Variants in CREB5 observed in about 807,000 individuals in gnomAD.
CREB5 encodes cAMP responsive element binding protein 5, also known as cyclic AMP-responsive element-binding protein 5.
CREB5 carries 19 observed loss-of-function variants against 57.1 expected under a neutral mutation model. That is an observed-to-expected ratio of 0.33 (90% CI 0.23 to 0.49). The LOEUF is 0.49. Among genes scored for constraint, CREB5 ranks in the 20% least tolerant of loss-of-function variants. The pLI, the probability that CREB5 is intolerant of heterozygous loss-of-function variation, is 0.99. For synonymous variants in CREB5, 238 were observed against 238.3 expected (o/e 1.00, Z 0.01); for missense variants, 579 against 671.6 (o/e 0.86, Z 1.52).
At chr7:28,339,775 G>A (rs982865837) in intron 1 of CREB5, among the ~76,000 whole-genome samples, 3 of 152,194 alleles carry the variant, frequency 2.0e-5, no homozygotes, top group African/African-American at 7.2e-5. Flanking sequence ...TGGGAGTCAG[G>A]AACTGGAGTC....
chr7:28,698,847 G>A (rs1254330671), intron 5 of CREB5, among the ~76,000 whole-genome samples: 2 of 152,202 alleles, frequency 1.3e-5, no homozygotes, highest in Non-Finnish European at 2.9e-5. Flanking sequence ...AGGAACATCA[G>A]GAGCAACATA....
At chr7:28,576,054 G>GA (rs1328680308) in intron 5 of CREB5, among the ~76,000 whole-genome samples, 1 of 152,190 alleles carries the variant, frequency 6.6e-6, no homozygotes, top group Non-Finnish European at 1.5e-5. Context: ...CTGAGAGGCA[G>GA]AAAAATACCC....
At chr7:28,391,893 A>C (rs763111437) in intron 1 of CREB5, among the ~76,000 whole-genome samples, 15 of 152,186 alleles carry the variant, frequency 9.9e-5, no homozygotes, top group Non-Finnish European at 1.6e-4. Context: ...GGGTCCCTCC[A>C]GAGGACATCT....
chr7:28,549,443 T>C (rs1217966093), intron 4 of CREB5, among the ~76,000 whole-genome samples: 1 of 152,222 alleles, frequency 6.6e-6, no homozygotes, highest in Admixed American at 6.5e-5. Flanking sequence ...TTACAAAGAA[T>C]GGGAATTTCT....
chr7:28,658,761 G>A (rs1799434242), intron 5 of CREB5, among the ~76,000 whole-genome samples: 1 of 151,770 alleles, frequency 6.6e-6, no homozygotes, highest in African/African-American at 2.4e-5. Context: ...TTGGGAGGAG[G>A]ATAAGGAAAG....
intron 1 of CREB5, among the ~76,000 whole-genome samples, chr7:28,470,104 T>C (rs1401367005): frequency 6.6e-6 from 1 of 152,324 alleles, no homozygotes; most frequent in East Asian, 1.9e-4. Flanking sequence ...TTTTAAAATG[T>C]ACAATTAAGT....
rs1198951308 is a variant in CREB5 at position 28,763,804 on chromosome 7, A to ATTT, written c.702+39474_702+39475insTTT. On this transcript the variant is annotated intron_variant, in intron 7 of 10. Coordinates refer to ENST00000357727, the MANE Select transcript of CREB5 (RefSeq NM_182898.4). ...TAATCGCTGTGGGGATATTATTATT[A>ATTT]TTATTATTTTTTTTTGAGACAGGGT... Among the ~76,000 whole-genome samples the ATTT allele has an allele frequency of 6.0e-5, 6 of 99,472 alleles. 1 individual carries two copies. Among genetic ancestry groups the ATTT allele is most frequent in the African/African-American group, 1.6e-4 (5 of 31,406 alleles). The allele number at this position is 99,472 out of a possible 152,430, so 65.3% of individuals were successfully genotyped here. A position where few individuals can be genotyped will look rare whatever the true frequency, so the allele number is the denominator to read the frequency against.
chr7:28,431,182 G>T (rs1350714607), intron 1 of CREB5, among the ~76,000 whole-genome samples: 5 of 152,150 alleles, frequency 3.3e-5, no homozygotes, highest in Non-Finnish European at 7.3e-5. Context: ...CATCTCATTT[G>T]CCATATTCTA....
At chr7:28,633,700 G>GGT (rs1798294880) in intron 5 of CREB5, among the ~76,000 whole-genome samples, 1 of 152,134 alleles carries the variant, frequency 6.6e-6, no homozygotes, top group East Asian at 1.9e-4. Flanking sequence ...CAGTAGTGGG[G>GGT]GTGGGGTTCA....
intron 5 of CREB5, among the ~76,000 whole-genome samples, chr7:28,692,181 G>T (rs1002316878): frequency 1.9e-4 from 7 of 37,594 alleles, no homozygotes; most frequent in Non-Finnish European, 3.7e-4. Flanking sequence ...GCGAGACTCC[G>T]TCTCCAAAAA....
chr7:28,456,700 C>A (rs73297189), intron 1 of CREB5, among the ~76,000 whole-genome samples: 11,090 of 152,252 alleles, frequency 0.073, 1,358 homozygotes, highest in African/African-American at 0.25. Context: ...GATCATGTTG[C>A]TTTCACTGGG....
intron 1 of CREB5, among the ~76,000 whole-genome samples, chr7:28,451,216 C>A (rs965897038): frequency 2.0e-5 from 3 of 152,146 alleles, no homozygotes; most frequent in African/African-American, 4.8e-5. Flanking sequence ...CCTGGAAGAA[C>A]TCCCCCTTAA....
intron 1 of CREB5, among the ~76,000 whole-genome samples, chr7:28,466,407 G>T (rs887302057): frequency 2.6e-5 from 4 of 152,154 alleles, no homozygotes; most frequent in Admixed American, 2.6e-4. Context: ...TGTAGGCGTT[G>T]CAGTTGGCAG....
At chr7:28,645,878 G>C (rs542835312) in intron 5 of CREB5, among the ~76,000 whole-genome samples, 3 of 152,288 alleles carry the variant, frequency 2.0e-5, no homozygotes, top group Admixed American at 2.0e-4. Context: ...ACCAATCCAG[G>C]TGGGCCATCA....
At chr7:28,440,598 A>C (rs1466000277) in intron 1 of CREB5, among the ~76,000 whole-genome samples, 2 of 152,190 alleles carry the variant, frequency 1.3e-5, no homozygotes, top group Non-Finnish European at 2.9e-5. Context: ...TTAGGACTGC[A>C]AATTGGAAGC....
At chr7:28,550,915 A>G (rs954410565) in intron 4 of CREB5, among the ~76,000 whole-genome samples, 2 of 152,220 alleles carry the variant, frequency 1.3e-5, no homozygotes, top group African/African-American at 4.8e-5. Context: ...TTCAAGTCAG[A>G]TAAAAACAAC....
At chr7:28,684,724 T>C (rs1800772248) in intron 5 of CREB5, among the ~76,000 whole-genome samples, 1 of 139,982 alleles carries the variant, frequency 7.1e-6, no homozygotes, top group Non-Finnish European at 1.6e-5. Flanking sequence ...GCACAAGCCA[T>C]GGTCATTTTT....
chr7:28,644,987 T>C (rs1456211471), intron 5 of CREB5, among the ~76,000 whole-genome samples: 4 of 152,138 alleles, frequency 2.6e-5, no homozygotes, highest in Non-Finnish European at 5.9e-5. Context: ...CAACAACGCG[T>C]ACCTTGGCCA....
chr7:28,757,366 A>G (rs1201596764), intron 7 of CREB5, among the ~76,000 whole-genome samples: 1 of 152,200 alleles, frequency 6.6e-6, no homozygotes, highest in East Asian at 1.9e-4. Context: ...ATGAGGAAAG[A>G]AACCTATATA....
Sources: gnomAD v4.1 joint callset for allele counts (sites outside exome capture counted in the v4.1 genomes callset) on GRCh38, gnomAD v4.1.1 for gene constraint, MANE v1.5 for transcripts, NCBI Gene and HGNC (gene_info 2026-07-23, HGNC 2026-07-21) for gene names.